The following PITPNM3 variants were observed in gnomAD, a reference collection of about 807,000 sequenced individuals.
PITPNM3 encodes the protein membrane-associated phosphatidylinositol transfer protein 3.
PITPNM3 carries 26 observed loss-of-function variants against 102.0 expected under a neutral mutation model. The ratio of observed to expected loss-of-function variants is 0.25; its 90% confidence interval spans 0.19 to 0.35. PITPNM3 has a LOEUF of 0.35. PITPNM3 is among the 10% of genes least tolerant of loss of function. PITPNM3 has a pLI of 1.00. For synonymous variants in PITPNM3, 578 were observed against 558.6 expected (o/e 1.03, Z -0.49); for missense variants, 1,083 against 1,346.1 (o/e 0.80, Z 3.06).
At chr17:6,461,598 A>G (rs1020507668) in intron 17 of PITPNM3, 42 bp from the exon 18 acceptor site, 7 of 1,602,604 alleles carry the variant, frequency 4.4e-6, no homozygotes, top group Non-Finnish European at 6.0e-6. Context: ...TGCCCAGTGC[A>G]GGCCACCTGA....
chr17:6,473,913 G>A (rs1476561613), intron 10 of PITPNM3, among the ~76,000 whole-genome samples: 9 of 150,694 alleles, frequency 6.0e-5, no homozygotes, highest in African/African-American at 2.2e-4. Flanking sequence ...GGAGGCAGAG[G>A]TTGCAGTGAG....
chr17:6,482,020 C>T (rs867396064), intron 6 of PITPNM3, among the ~76,000 whole-genome samples: 1 of 101,088 alleles, frequency 9.9e-6, no homozygotes, highest in Non-Finnish European at 1.9e-5. Context: ...CTCTCTCTCT[C>T]TCTCTCTCTC....
intron 6 of PITPNM3, among the ~76,000 whole-genome samples, chr17:6,482,444 T>C (rs2150736397): frequency 6.6e-6 from 1 of 152,318 alleles, no homozygotes; most frequent in Non-Finnish European, 1.5e-5. Flanking sequence ...ATACCTCACC[T>C]TATGCATCTC....
At chr17:6,531,735 G>A (rs1193185342) in intron 2 of PITPNM3, among the ~76,000 whole-genome samples, 1 of 152,060 alleles carries the variant, frequency 6.6e-6, no homozygotes, top group East Asian at 1.9e-4. Context: ...CTCCTTGCTG[G>A]GGCTGTGAAC....
intron 4 of PITPNM3, among the ~76,000 whole-genome samples, chr17:6,496,380 C>T (rs528636556): frequency 6.6e-6 from 1 of 152,128 alleles, no homozygotes; most frequent in Non-Finnish European, 1.5e-5. Flanking sequence ...TGAACTCAGC[C>T]AGTTTTCGCA....
At chr17:6,551,842 G>A (rs1460985441) in intron 1 of PITPNM3, among the ~76,000 whole-genome samples, 2 of 152,026 alleles carry the variant, frequency 1.3e-5, no homozygotes, top group African/African-American at 4.8e-5. Context: ...CAGAGTAAGG[G>A]GCCCAGGAGA....
In PITPNM3 at chr17:6,478,877, T is replaced by TG; in HGVS notation, c.588-142dup. On this transcript the variant is annotated intron_variant, in intron 6 of 19. Coordinates refer to ENST00000262483, the MANE Select transcript of PITPNM3 (RefSeq NM_031220.4). This position sits in a 1 kb window ranked among gnomAD's most constrained non-coding sequence, Gnocchi z 4.4. ...CTTCAGGAAGACCCAGGCAGGAGCC[T>TG]GGTGACACAGAGCACAGGCAGTGTG... is the stretch of plus-strand genomic sequence containing the variant. The TG allele has an allele frequency of 1.3e-6, 1 of 791,420 alleles. No individual in the cohort carries two copies. The highest frequency in any genetic ancestry group is 2.0e-6 in the Non-Finnish European group (1 of 507,260). 49.0% of individuals were successfully genotyped at this position (791,420 alleles called of 1,614,324 possible).
At position 6,483,702 on chromosome 17, in the gene PITPNM3, C is replaced by T. The variant is rs767563596; in HGVS notation, c.402G>A (p.Leu134=). The part of the protein sequence containing the change: ...SCKTHVLLLV[L]HGGNILDTGA... ...CCGTGTCCAGGATGTTTCCCCCATG[C>T]AGGACCAGCAGGAGGACATGTGTCT... Residue 134 remains leucine (L), a synonymous_variant, in exon 6 of 20, where the codon CTG becomes CTA. Transcript: ENST00000262483. 3 of 1,613,970 alleles carry T rather than the reference C, an allele frequency of 1.9e-6. No homozygotes were observed. The highest frequency in any genetic ancestry group is 2.2e-5 in the East Asian group (1 of 44,858).
chr17:6,478,524 G>A lies in PITPNM3; in HGVS notation c.777+23C>T, dbSNP rs778131937. 6.2e-7 allele frequency: 1 copy of A among 1,612,904 alleles called. No individual in the cohort carries two copies. The highest frequency in any genetic ancestry group is 8.5e-7 in the Non-Finnish European group (1 of 1,179,144). On this transcript the variant is annotated intron_variant, in intron 7 of 19. Transcript: ENST00000262483. This position sits in a 1 kb window ranked among gnomAD's most constrained non-coding sequence, Gnocchi z 4.4. Reference sequence around the variant, plus strand: ...GGGGCCGGAACAGGGGAGGGGAGAGGAGGAGAGGGCAGGCTGTCCTACCTG... The same window carrying A: ...GGGGCCGGAACAGGGGAGGGGAGAGAAGGAGAGGGCAGGCTGTCCTACCTG...
intron 3 of PITPNM3, among the ~76,000 whole-genome samples, chr17:6,505,059 G>A (rs36082914): frequency 0.22 from 32,568 of 151,428 alleles, 3,609 homozygotes; most frequent in South Asian, 0.31. Flanking sequence ...CTATAATCCC[G>A]AAGCTACTCG....
intron 3 of PITPNM3, among the ~76,000 whole-genome samples, chr17:6,508,038 A>ATGCTGGGGT (rs1204158814): frequency 6.7e-6 from 1 of 150,262 alleles, no homozygotes; most frequent in Non-Finnish European, 1.5e-5. Context: ...GTTGCTGGGA[A>ATGCTGGGGT]TGCTGGGGTT....
intron 1 of PITPNM3, among the ~76,000 whole-genome samples, chr17:6,554,339 A>AG (rs1910488182): frequency 2.9e-5 from 4 of 135,968 alleles, no homozygotes; most frequent in African/African-American, 1.1e-4. Flanking sequence ...AAAAAAAAAA[A>AG]GGAGAGAAGG....
chr17:6,473,105 T>G, intron 10 of PITPNM3: 1 of 491,086 alleles, frequency 2.0e-6, no homozygotes, highest in Non-Finnish European at 3.7e-6. Flanking sequence ...AAAACATCCC[T>G]TCTCCTTGTG....
chr17:6,507,750 G>A (rs955766307), intron 3 of PITPNM3, among the ~76,000 whole-genome samples: 1 of 152,170 alleles, frequency 6.6e-6, no homozygotes, highest in Non-Finnish European at 1.5e-5. Context: ...AGGCCCTGGA[G>A]GAGGGGAGGA....
Position 6,457,512 on chromosome 17 carries a change from G to T in PITPNM3, c.2619+82C>A. ...TGGGGGAATGAACAAATGAATGAAT[G>T]AATGAATGAAGTGCTTACTCCCTCT... is the stretch of plus-strand genomic sequence containing the variant. On this transcript the variant is annotated intron_variant, in intron 19 of 19. Coordinates refer to ENST00000262483, the MANE Select transcript of PITPNM3 (RefSeq NM_031220.4). This position sits in a 1 kb window ranked among gnomAD's most constrained non-coding sequence, Gnocchi z 4.7. 6.3e-7 allele frequency: 1 copy of T among 1,586,424 alleles called. No homozygotes were observed. The highest frequency in any genetic ancestry group is 1.1e-5 in the South Asian group (1 of 88,496).
intron 10 of PITPNM3, chr17:6,473,245 A>G (rs1905145439): frequency 3.2e-6 from 1 of 312,616 alleles, no homozygotes; most frequent in Admixed American, 4.5e-5. Context: ...ACAGGCCTCA[A>G]GGCTATAAAC....
chr17:6,512,448 A>G (rs1907921068), intron 3 of PITPNM3, among the ~76,000 whole-genome samples: 1 of 152,202 alleles, frequency 6.6e-6, no homozygotes, highest in African/African-American at 2.4e-5. Flanking sequence ...TCCTTAAACC[A>G]ACTTAGTGTC....
At position 6,538,168 on chromosome 17, in the gene PITPNM3, GCCAGTTAGCATCCT is replaced by G. The variant is rs1909546425; in HGVS notation, c.23-100_23-87del. 4.2e-6 allele frequency: 4 copies of G among 953,110 alleles called. No homozygotes were observed. The Admixed American group carries it at 5.7e-5, about 14-fold the overall frequency. 59.0% of individuals were successfully genotyped at this position (953,110 alleles called of 1,614,324 possible). A position where few individuals can be genotyped will look rare whatever the true frequency, so the allele number is the denominator to read the frequency against. On this transcript the variant is annotated intron_variant, in intron 1 of 19. Transcript: ENST00000262483. ...GACCCAAGACCCCCCTGGACTAAAGGCCAGTTAGCATCCTGCACATCTGTGCCCTCTCCCTCCGA... is the reference window on the plus strand; with the variant it reads ...GACCCAAGACCCCCCTGGACTAAAGGGCACATCTGTGCCCTCTCCCTCCGA...
rs752605596 is a variant in PITPNM3 at position 6,470,229 on chromosome 17, G to A, written c.1773+31C>T. ...GGGGCGGTACCCCCTTGGGGTGGCT[G>A]TGGGCAGGCCCGCGACTGCGGCAGC... On this transcript the variant is annotated intron_variant, in intron 13 of 19. Transcript: ENST00000262483. This position sits in a 1 kb window ranked among gnomAD's most constrained non-coding sequence, Gnocchi z 4.8. The A allele has an allele frequency of 1.3e-5, 21 of 1,574,896 alleles. No individual in the cohort carries two copies. Among genetic ancestry groups the A allele is most frequent in the Non-Finnish European group, 1.6e-5 (18 of 1,159,970 alleles).
Sources: allele counts gnomAD v4.1 joint callset (sites outside exome capture counted in the v4.1 genomes callset), GRCh38; gene constraint gnomAD v4.1.1; non-coding constraint Gnocchi (gnomAD v3.1); transcripts MANE v1.5; gene names NCBI Gene and HGNC (gene_info 2026-07-23, HGNC 2026-07-21).